RAPGEF1: variants seen among roughly 807,000 people sequenced by gnomAD.
RAPGEF1 encodes CRK SH3-binding GNRP.
In RAPGEF1, 33 loss-of-function variants were observed where a neutral mutation model predicts 143.3. The observed-to-expected ratio is 0.23, with a 90% CI of 0.17 to 0.31. The LOEUF (loss-of-function observed/expected upper bound fraction) is 0.31, where lower values mean the gene tolerates loss of function less well. RAPGEF1 is among the 10% of genes least tolerant of loss of function. The pLI, the probability that RAPGEF1 is intolerant of heterozygous loss-of-function variation, is 1.00. For missense variants in RAPGEF1, 1,199 were observed against 1,645.4 expected, an observed-to-expected ratio of 0.73 and a Z score of 4.69; for synonymous variants, 629 against 676.5, an observed-to-expected ratio of 0.93 and a Z score of 1.09.
At chr9:131,734,394 G>A (rs1252823705) in intron 1 of RAPGEF1, among the ~76,000 whole-genome samples, 1 of 152,190 alleles carries the variant, frequency 6.6e-6, no homozygotes, top group Non-Finnish European at 1.5e-5. Context: ...AAAACCACAG[G>A]AAATTGCAGA....
intron 12 of RAPGEF1, among the ~76,000 whole-genome samples, chr9:131,610,025 TA>T (rs1308395112): frequency 6.6e-6 from 1 of 152,094 alleles, no homozygotes; most frequent in Non-Finnish European, 1.5e-5. Context: ...GCCTCTCAAA[TA>T]GGGGGGAATA....
chr9:131,586,122 G>A (rs1394163483), intron 22 of RAPGEF1, among the ~76,000 whole-genome samples: 2 of 152,030 alleles, frequency 1.3e-5, no homozygotes, highest in Non-Finnish European at 2.9e-5. Context: ...GAGCTTGAGG[G>A]GAGCCAGAGC....
At chr9:131,684,878 C>T (rs976357555) in intron 1 of RAPGEF1, among the ~76,000 whole-genome samples, 10 of 152,284 alleles carry the variant, frequency 6.6e-5, no homozygotes, top group African/African-American at 2.4e-4. Flanking sequence ...GCAGCCATGT[C>T]GAGACTGATG....
At chr9:131,723,019 C>T (rs1279736900) in intron 1 of RAPGEF1, among the ~76,000 whole-genome samples, 1 of 152,150 alleles carries the variant, frequency 6.6e-6, no homozygotes, top group East Asian at 1.9e-4. Context: ...CATAGTGAAA[C>T]CCTGTCTCTA....
At chr9:131,738,095 G>A (rs538965088) in intron 1 of RAPGEF1, among the ~76,000 whole-genome samples, 13 of 152,220 alleles carry the variant, frequency 8.5e-5, no homozygotes, top group African/African-American at 2.4e-4. Context: ...GATTACAGGC[G>A]TGAGCCACTG....
At chr9:131,732,536 C>T (rs1589126170) in intron 1 of RAPGEF1, among the ~76,000 whole-genome samples, 1 of 152,184 alleles carries the variant, frequency 6.6e-6, no homozygotes, top group Non-Finnish European at 1.5e-5. Context: ...TCAGCCTTCA[C>T]GGTGTCCTGG....
chr9:131,602,973 A>C (rs12000637), intron 14 of RAPGEF1, among the ~76,000 whole-genome samples: 130,346 of 152,268 alleles, frequency 0.86, 56,027 homozygotes, highest in African/African-American at 0.93. Context: ...GCTGGCCTCT[A>C]CCTGCACGTG....
chr9:131,621,080 G>C lies in RAPGEF1; in HGVS notation c.1905+716C>G, dbSNP rs796066249. Among the ~76,000 whole-genome samples the C allele has an allele frequency of 1.3e-4, 20 of 152,314 alleles. No individual in the cohort carries two copies. The highest frequency in any genetic ancestry group is 4.8e-4 in the African/African-American group (20 of 41,564). ...CCATGTTCATTAACTGGCAGCAAAG[G>C]GAGAAAGTTTGGAGGGATGCCACAG... On this transcript the variant is annotated intron_variant, in intron 11 of 26. Transcript: ENST00000683357. This position sits in a 1 kb window ranked among gnomAD's most constrained non-coding sequence, Gnocchi z 4.5.
At chr9:131,597,293 C>T (rs1955468739) in intron 16 of RAPGEF1, among the ~76,000 whole-genome samples, 1 of 152,176 alleles carries the variant, frequency 6.6e-6, no homozygotes, top group Admixed American at 6.5e-5. Context: ...AGGAACTATG[C>T]CTTTGACCTG....
chr9:131,592,001 C>A, intron 18 of RAPGEF1, 98 bp downstream of exon 18: 3 of 924,916 alleles, frequency 3.2e-6, no homozygotes, highest in Non-Finnish European at 5.1e-6. Flanking sequence ...ACCCAATATG[C>A]TGCTCGGCTT....
Position 131,723,129 on chromosome 9 carries a change from G to A in RAPGEF1, c.61+16641C>T, listed in dbSNP as rs189209787. On this transcript the variant is annotated intron_variant, in intron 1 of 26. Coordinates refer to ENST00000683357, the MANE Select transcript of RAPGEF1 (RefSeq NM_001377935.1). ...GAATCACTTGAACCCAGCAGACGGA[G>A]GCTGCAGTGAGCCGAGATCACACCA... Among the ~76,000 whole-genome samples the A allele has an allele frequency of 3.3e-5, 5 of 152,144 alleles. No homozygotes were observed. In the East Asian group the frequency reaches 9.6e-4, roughly 29 times the overall value.
In RAPGEF1 at chr9:131,734,598, C is replaced by T. The variant is rs549929803; in HGVS notation, c.61+5172G>A. Among the ~76,000 whole-genome samples the T allele has an allele frequency of 8.2e-4, 124 of 152,140 alleles. 1 individual carries two copies. The highest frequency in any genetic ancestry group is 2.7e-3 in the South Asian group (13 of 4,816). On this transcript the variant is annotated intron_variant, in intron 1 of 26. Coordinates refer to ENST00000683357, the MANE Select transcript of RAPGEF1 (RefSeq NM_001377935.1). ...CATTGCTTGACTGAGTATACTTTGA[C>T]GACAAAAATTCCTAACTATGGAGGA...
At chr9:131,662,511 G>C (rs1168888157) in intron 1 of RAPGEF1, among the ~76,000 whole-genome samples, 1 of 151,896 alleles carries the variant, frequency 6.6e-6, no homozygotes, top group African/African-American at 2.4e-5. Context: ...GGGACTACAG[G>C]CATGCGCCAC....
chr9:131,683,430 T>C (rs1833080831), intron 1 of RAPGEF1, among the ~76,000 whole-genome samples: 1 of 152,262 alleles, frequency 6.6e-6, no homozygotes, highest in Admixed American at 6.5e-5. Context: ...AAATGGAGAA[T>C]GTTAACTGAC....
chr9:131,672,060 T>C (rs1036930542), intron 1 of RAPGEF1, among the ~76,000 whole-genome samples: 3 of 152,038 alleles, frequency 2.0e-5, no homozygotes, highest in Non-Finnish European at 4.4e-5. Flanking sequence ...TTAGGGGTCA[T>C]GTATGGTGGT....
intron 1 of RAPGEF1, among the ~76,000 whole-genome samples, chr9:131,680,177 TAG>T (rs759985433): frequency 6.6e-6 from 1 of 152,244 alleles, no homozygotes; most frequent in Non-Finnish European, 1.5e-5. Flanking sequence ...GAATCCAGTG[TAG>T]AGAGTTAGTT....
chr9:131,665,039 A>G (rs1830206835), intron 1 of RAPGEF1, among the ~76,000 whole-genome samples: 1 of 152,208 alleles, frequency 6.6e-6, no homozygotes, highest in Non-Finnish European at 1.5e-5. Context: ...GGCTAGGGGT[A>G]TATATTCGAG....
rs1963824750 is a variant in RAPGEF1 at position 131,628,182 on chromosome 9, T to TA, written c.1018-87dup. Reference sequence around the variant, plus strand: ...GGGTGAGGCAACCGGTGCATTTACTTAGAGAAGGAAATACTGCCAGGCGAA... The same window carrying TA: ...GGGTGAGGCAACCGGTGCATTTACTTAAGAGAAGGAAATACTGCCAGGCGAA... On this transcript the variant is annotated intron_variant, in intron 8 of 26. Coordinates refer to ENST00000683357, the MANE Select transcript of RAPGEF1 (RefSeq NM_001377935.1). This position sits in a 1 kb window ranked among gnomAD's most constrained non-coding sequence, Gnocchi z 5.7. The TA allele has an allele frequency of 5.5e-6, 7 of 1,272,430 alleles. No individual in the cohort carries two copies. The highest frequency in any genetic ancestry group is 7.4e-6 in the Non-Finnish European group (7 of 948,564). The allele number at this position is 1,272,430 out of a possible 1,614,324, so 78.8% of individuals were successfully genotyped here. A position where few individuals can be genotyped will look rare whatever the true frequency, so the allele number is the denominator to read the frequency against.
chr9:131,686,142 T>C (rs1228971986), intron 1 of RAPGEF1, among the ~76,000 whole-genome samples: 1 of 152,160 alleles, frequency 6.6e-6, no homozygotes, highest in Non-Finnish European at 1.5e-5. Context: ...CAGCAAACTT[T>C]CCTTGAAGGG....
Sources: gnomAD v4.1 joint callset for allele counts (sites outside exome capture counted in the v4.1 genomes callset) on GRCh38, gnomAD v4.1.1 for gene constraint, Gnocchi (gnomAD v3.1) non-coding constraint, MANE v1.5 for transcripts, NCBI Gene and HGNC (gene_info 2026-07-23, HGNC 2026-07-21) for gene names.